KYAT3: variants seen among roughly 807,000 people sequenced by gnomAD.
KYAT3 encodes the protein kynurenine--oxoglutarate transaminase 3.
In KYAT3, 50 loss-of-function variants were observed where a neutral mutation model predicts 59.0. The observed-to-expected ratio is 0.85, with a 90% CI of 0.68 to 1.07. The LOEUF (loss-of-function observed/expected upper bound fraction) is 1.07, where lower values mean the gene tolerates loss of function less well. Ranked by LOEUF, KYAT3 falls within the 50% of genes least tolerant of loss-of-function variation. KYAT3 has a pLI of 0.00. For synonymous variants in KYAT3, 148 were observed against 177.0 expected (o/e 0.84, Z 1.30); for missense variants, 497 against 533.3 (o/e 0.93, Z 0.67).
At chr1:88,922,211 C>T in the KYAT3 span, among the ~76,000 whole-genome samples, 1 of 152,004 alleles carries the variant, frequency 6.6e-6, no homozygotes, top group Non-Finnish European at 1.5e-5. Context: ...CAGAATGAGG[C>T]CCCCTCTCTC....
chr1:88,946,054 T>G lies in KYAT3; in HGVS notation c.1142-2631A>C, dbSNP rs1570778414. On this transcript the variant is annotated intron_variant, in intron 11 of 13. Transcript: ENST00000260508. ...AAATGGAAACTAATTAGGAGCTTAATGTAATATTCTGAGTTTTATCACTGT... is the reference window on the plus strand; with the variant it reads ...AAATGGAAACTAATTAGGAGCTTAAGGTAATATTCTGAGTTTTATCACTGT... Among the ~76,000 whole-genome samples, 3 of 152,332 alleles carry G rather than the reference T, an allele frequency of 2.0e-5. No homozygotes were observed. The South Asian group carries it at 6.2e-4, about 32-fold the overall frequency.
At chr1:88,964,700 T>C in intron 5 of KYAT3, 129 bp downstream of exon 5, 1 of 751,278 alleles carries the variant, frequency 1.3e-6, no homozygotes, top group Non-Finnish European at 2.2e-6. Flanking sequence ...AACTTTACTG[T>C]ACATGCATTA....
At chr1:88,946,917 G>A (rs1001750369) in intron 11 of KYAT3, among the ~76,000 whole-genome samples, 1 of 152,194 alleles carries the variant, frequency 6.6e-6, no homozygotes. Context: ...CAAACCTCAT[G>A]TAATGAATTC....
In KYAT3 at chr1:88,969,477, A is replaced by C. The variant is rs757543608; in HGVS notation, c.100-10T>G. ...ATTTCAGTGACATTTTCTGAAATAT[A>C]TAAATATTGAAAAGGAATTGCCTTA... On this transcript the variant is annotated splice_polypyrimidine_tract_variant and intron_variant, in intron 2 of 13. Transcript: ENST00000260508. The C allele has an allele frequency of 6.6e-7, 1 of 1,523,322 alleles. No individual in the cohort carries two copies. Among genetic ancestry groups the C allele is most frequent in the South Asian group, 1.1e-5 (1 of 87,632 alleles). 94.4% of individuals were successfully genotyped at this position (1,523,322 alleles called of 1,614,324 possible). A position where few individuals can be genotyped will look rare whatever the true frequency, so the allele number is the denominator to read the frequency against.
intron 2 of KYAT3, chr1:88,982,768 T>A (rs750580820): frequency 6.2e-7 from 1 of 1,613,946 alleles, no homozygotes; most frequent in Non-Finnish European, 8.5e-7. Flanking sequence ...GGTACCCCCT[T>A]TCTACAGAAG....
intron 1 of KYAT3, among the ~76,000 whole-genome samples, chr1:88,991,368 A>G (rs1303358012): frequency 6.6e-6 from 1 of 152,254 alleles, no homozygotes; most frequent in Non-Finnish European, 1.5e-5. Context: ...ATCTGGGTTA[A>G]CTGCAAGTTC....
At chr1:88,972,333 C>A (rs1676585005) in intron 2 of KYAT3, among the ~76,000 whole-genome samples, 1 of 152,214 alleles carries the variant, frequency 6.6e-6, no homozygotes, top group Non-Finnish European at 1.5e-5. Flanking sequence ...CACAGCAATA[C>A]CTAGACTGAT....
intron 9 of KYAT3, among the ~76,000 whole-genome samples, chr1:88,953,545 CAAAAA>C (rs67537454): frequency 9.8e-4 from 99 of 100,892 alleles, no homozygotes; most frequent in African/African-American, 2.5e-3. Context: ...GACTCTATCT[CAAAAA>C]AAAAAAAAAA....
At chr1:88,940,003 A>G (rs759401633) in intron 13 of KYAT3, among the ~76,000 whole-genome samples, 1 of 151,830 alleles carries the variant, frequency 6.6e-6, no homozygotes, top group Non-Finnish European at 1.5e-5. Context: ...TTTTCCTTGT[A>G]CCTTTCTCTT....
intron 3 of KYAT3, 108 bp from the exon 4 acceptor site, chr1:88,968,922 T>C (rs1676447722): frequency 3.8e-6 from 3 of 787,764 alleles, no homozygotes; most frequent in African/African-American, 3.7e-5. Context: ...CCTAGTTTAG[T>C]CCTATAGGTT....
the KYAT3 span, among the ~76,000 whole-genome samples, chr1:88,925,832 G>A: frequency 6.6e-6 from 1 of 151,978 alleles, no homozygotes; most frequent in Non-Finnish European, 1.5e-5. Context: ...AAAAACCAGT[G>A]TGCCCTATTC....
In KYAT3 at chr1:88,942,541, T is replaced by C. The variant is rs145014928; in HGVS notation, c.1302+464A>G. Among the ~76,000 whole-genome samples, 380 of 152,226 alleles carry C rather than the reference T, an allele frequency of 2.5e-3. 2 individuals are homozygous for C. Among genetic ancestry groups the C allele is most frequent in the African/African-American group, 8.7e-3 (363 of 41,540 alleles). ...TATTATGTTGTCTTCTTTCAAAAAG[T>C]GTTGAATTTTATTTTGGTAAGCAGT... On this transcript the variant is annotated intron_variant, in intron 13 of 13. Transcript: ENST00000260508.
At chr1:88,955,338 T>A in intron 8 of KYAT3, 113 bp from the exon 9 acceptor site, 1 of 658,620 alleles carries the variant, frequency 1.5e-6, no homozygotes, top group African/African-American at 1.8e-5. Flanking sequence ...GTGTTATAAT[T>A]TAGCCAGTAT....
At chr1:88,935,519 C>T (rs965814311), downstream of KYAT3, among the ~76,000 whole-genome samples, 3 of 152,118 alleles carry the variant, frequency 2.0e-5, no homozygotes, top group Non-Finnish European at 2.9e-5. Flanking sequence ...ACCAAGGCAG[C>T]GGTGGCTGAA....
intron 2 of KYAT3, chr1:88,979,639 A>G (rs1676976650): frequency 6.6e-6 from 1 of 152,204 alleles, no homozygotes; most frequent in South Asian, 2.1e-4. Flanking sequence ...AAATAAAACC[A>G]CAATGAGATA....
In KYAT3 at chr1:88,948,664, C is replaced by T. The variant is rs546157301; in HGVS notation, c.1141+427G>A. On this transcript the variant is annotated intron_variant, in intron 11 of 13. Coordinates refer to ENST00000260508, the MANE Select transcript of KYAT3 (RefSeq NM_001008661.3). ...TGTTATTCTCCCATTTATTTTATTT[C>T]AGTACATTCTAAAATGGCAAATATT... is the stretch of plus-strand genomic sequence containing the variant. 3.9e-5 allele frequency among the ~76,000 whole-genome samples: 6 copies of T among 152,298 alleles called. No homozygotes were observed. In the South Asian group the frequency reaches 1.2e-3, roughly 32 times the overall value.
intron 8 of KYAT3, among the ~76,000 whole-genome samples, chr1:88,960,577 T>C (rs2765527): frequency 0.48 from 72,328 of 152,074 alleles, 17,654 homozygotes; most frequent in South Asian, 0.68. Context: ...TGAAGGATAT[T>C]TGAAGTCAGG....
chr1:88,965,027 T>C, intron 4 of KYAT3, 49 bp from the exon 5 acceptor site: 1 of 1,414,348 alleles, frequency 7.1e-7, no homozygotes, highest in Admixed American at 2.2e-5. Flanking sequence ...ATATGGGACC[T>C]ACTGTTTGAG....
chr1:88,949,347 TAATA>T (rs1363858924), intron 10 of KYAT3, 70 bp from the exon 11 acceptor site: 2 of 1,105,658 alleles, frequency 1.8e-6, no homozygotes, highest in Non-Finnish European at 2.5e-6. Flanking sequence ...TTTATTGGTA[TAATA>T]AATAGAGATG....
Sources: allele counts gnomAD v4.1 joint callset (sites outside exome capture counted in the v4.1 genomes callset), GRCh38; gene constraint gnomAD v4.1.1; transcripts MANE v1.5; gene names NCBI Gene and HGNC (gene_info 2026-07-23, HGNC 2026-07-21).